Variants in DYNC1LI1 observed in about 807,000 individuals in gnomAD.
DYNC1LI1 encodes cytoplasmic dynein 1 light intermediate chain 1.
In DYNC1LI1, 19 loss-of-function variants were observed where a neutral mutation model predicts 63.8. The observed-to-expected ratio is 0.30, with a 90% CI of 0.21 to 0.44. The LOEUF is 0.44. DYNC1LI1 is among the 20% of genes least tolerant of loss of function. The probability of loss-of-function intolerance (pLI) is 1.00; values close to 1 mark genes in which losing one functional copy is unlikely to be tolerated. For synonymous variants in DYNC1LI1, 225 were observed against 232.3 expected (o/e 0.97, Z 0.28); for missense variants, 565 against 630.2 (o/e 0.90, Z 1.11).
At chr3:32,537,951 T>A (rs56245388) in intron 5 of DYNC1LI1, among the ~76,000 whole-genome samples, 378 of 4,310 alleles carry the variant, frequency 0.088, 31 homozygotes, top group East Asian at 0.21. Context: ...TATATATAAT[T>A]TATATATATA....
At chr3:32,527,806 T>C (rs1479137181) in intron 12 of DYNC1LI1, among the ~76,000 whole-genome samples, 2 of 152,040 alleles carry the variant, frequency 1.3e-5, no homozygotes, top group Non-Finnish European at 1.5e-5. Context: ...AGCCATATAA[T>C]GAAATATTAT....
chr3:32,568,574 C>T (rs1208719612), intron 2 of DYNC1LI1, among the ~76,000 whole-genome samples: 7 of 151,942 alleles, frequency 4.6e-5, no homozygotes, highest in East Asian at 3.9e-4. Context: ...CCTCTAAGAA[C>T]ACTCAGTCCC....
rs1697619258 is a variant in DYNC1LI1 at position 32,526,476 on chromosome 3, CAT to C, written c.*321_*322del. 5.9e-6 allele frequency: 1 copy of C among 168,254 alleles called. No homozygotes were observed. The highest frequency in any genetic ancestry group is 1.3e-5 in the Non-Finnish European group (1 of 78,396). 10.4% of individuals were successfully genotyped at this position (168,254 alleles called of 1,614,324 possible). The stretch of plus-strand genomic sequence containing the variant: ...TTCTGCCGTTCCCCAAATCCTTTTA[CAT>C]GTTTTAAATAGCCTTTAGAATATGA... On this transcript the variant is annotated 3_prime_UTR_variant, in exon 13 of 13. Coordinates refer to ENST00000273130, the MANE Select transcript of DYNC1LI1 (RefSeq NM_016141.4).
intron 2 of DYNC1LI1, among the ~76,000 whole-genome samples, chr3:32,551,912 G>A (rs1454484803): frequency 6.6e-6 from 1 of 152,138 alleles, no homozygotes; most frequent in Admixed American, 6.5e-5. Context: ...CCCAGAGACT[G>A]CAAATCCAGG....
intron 2 of DYNC1LI1, among the ~76,000 whole-genome samples, chr3:32,553,651 G>A (rs888938871): frequency 2.6e-5 from 4 of 152,146 alleles, no homozygotes; most frequent in African/African-American, 9.7e-5. Flanking sequence ...CTCTACAGAA[G>A]CAGCAAGCAG....
intron 2 of DYNC1LI1, among the ~76,000 whole-genome samples, chr3:32,561,803 GGTATATCTATATATACTATTCA>G (rs1328438613): frequency 6.6e-6 from 1 of 150,792 alleles, no homozygotes; most frequent in African/African-American, 2.4e-5. Context: ...TTATAATTAT[GGTATATCTATATATACTATTCA>G]GTCAATAAAC....
intron 6 of DYNC1LI1, among the ~76,000 whole-genome samples, chr3:32,536,551 T>C (rs961246419): frequency 6.6e-5 from 10 of 152,274 alleles, no homozygotes; most frequent in Admixed American, 2.0e-4. Flanking sequence ...CACTTTGGAA[T>C]ACTCCAATCC....
chr3:32,534,475 T>A (rs1445667336), intron 7 of DYNC1LI1, 36 bp downstream of exon 7: 1 of 1,440,464 alleles, frequency 6.9e-7, no homozygotes, highest in Non-Finnish European at 9.5e-7. Flanking sequence ...GTAGCAATAA[T>A]ACATGATAAA....
chr3:32,556,564 G>A (rs1357534209), intron 2 of DYNC1LI1, among the ~76,000 whole-genome samples: 11 of 151,772 alleles, frequency 7.2e-5, no homozygotes, highest in Non-Finnish European at 1.5e-4. Flanking sequence ...GTTTTGTTTT[G>A]AGACAGGGTC....
intron 12 of DYNC1LI1, among the ~76,000 whole-genome samples, chr3:32,528,037 C>G (rs1575146542): frequency 7.4e-6 from 1 of 134,558 alleles, no homozygotes; most frequent in East Asian, 2.4e-4. Context: ...AGGAGACTCA[C>G]TTGAACCCTG....
Position 32,570,321 on chromosome 3 carries a change from G to A in DYNC1LI1, c.220+25C>T, listed in dbSNP as rs373661383. 4 of 1,537,440 alleles carry A rather than the reference G, an allele frequency of 2.6e-6. No homozygotes were observed. The African/African-American group carries it at 4.1e-5, about 16-fold the overall frequency. On this transcript the variant is annotated intron_variant, in intron 2 of 12. Transcript: ENST00000273130. ...CCCGGGCCGCTGGGGGCCGGGCGGG[G>A]CGGGGCGAGGCAGGGAACACTTACC...
chr3:32,530,618 G>T lies in DYNC1LI1; in HGVS notation c.1081-98C>A, dbSNP rs112341904. ...TTGGACTAATTAAAAAACAGTTCAAGAATTTGAACATTACCTATACTATAT... is the reference window on the plus strand; with the variant it reads ...TTGGACTAATTAAAAAACAGTTCAATAATTTGAACATTACCTATACTATAT... On this transcript the variant is annotated intron_variant, in intron 8 of 12. Coordinates refer to ENST00000273130, the MANE Select transcript of DYNC1LI1 (RefSeq NM_016141.4). 167 of 1,075,914 alleles carry T rather than the reference G, an allele frequency of 1.6e-4. No homozygotes were observed. The African/African-American group carries it at 2.3e-3, about 15-fold the overall frequency. 66.6% of individuals were successfully genotyped at this position (1,075,914 alleles called of 1,614,324 possible). A position where few individuals can be genotyped will look rare whatever the true frequency, so the allele number is the denominator to read the frequency against.
Position 32,570,833 on chromosome 3 carries a change from G to C in DYNC1LI1, c.-63C>G. The C allele has an allele frequency of 1.9e-6, 3 of 1,545,122 alleles. No individual in the cohort carries two copies. Among genetic ancestry groups the C allele is most frequent in the South Asian group, 2.4e-5 (2 of 83,590 alleles). ...TGTGCGAGGCGGCTGAGGCGGTGGC[G>C]GTGGAGGCGGCGGGAACCCGGATAT... On this transcript the variant is annotated 5_prime_UTR_variant, in exon 1 of 13. Transcript: ENST00000273130.
chr3:32,556,336 G>A (rs1483087413), intron 2 of DYNC1LI1, among the ~76,000 whole-genome samples: 1 of 152,132 alleles, frequency 6.6e-6, no homozygotes, highest in Non-Finnish European at 1.5e-5. Flanking sequence ...CATCTTAGAC[G>A]TGTGTTTCTT....
At position 32,560,777 on chromosome 3, in the gene DYNC1LI1, G is replaced by A. The variant is rs1044495166; in HGVS notation, c.220+9569C>T. ...CCAGCACTTTGGGAGGATGAGGCAGGCAGATCACCTAAGGTCGGGAGTTCA... is the reference window on the plus strand; with the variant it reads ...CCAGCACTTTGGGAGGATGAGGCAGACAGATCACCTAAGGTCGGGAGTTCA... On this transcript the variant is annotated intron_variant, in intron 2 of 12. Coordinates refer to ENST00000273130, the MANE Select transcript of DYNC1LI1 (RefSeq NM_016141.4). Among the ~76,000 whole-genome samples the A allele has an allele frequency of 4.6e-5, 7 of 151,982 alleles. No homozygotes were observed. The South Asian group carries it at 1.5e-3, about 32-fold the overall frequency.
chr3:32,532,850 C>T (rs1697720326), intron 8 of DYNC1LI1, 136 bp downstream of exon 8: 1 of 1,348,814 alleles, frequency 7.4e-7, no homozygotes, highest in South Asian at 1.9e-5. Context: ...ACATTAGAAA[C>T]ACACCAAAAT....
At chr3:32,541,310 T>C in intron 4 of DYNC1LI1, 104 bp from the exon 5 acceptor site, 1 of 729,048 alleles carries the variant, frequency 1.4e-6, no homozygotes, top group Non-Finnish European at 2.2e-6. Flanking sequence ...TACTTAGTCT[T>C]GTGTAAGAGA....
intron 1 of DYNC1LI1, 68 bp from the exon 2 acceptor site, chr3:32,570,487 C>A: frequency 6.7e-7 from 1 of 1,490,196 alleles, no homozygotes; most frequent in Admixed American, 2.2e-5. Context: ...ACGGACCCGG[C>A]CTCGGCGCGC....
rs758317039 is a variant in DYNC1LI1, at chr3:32,570,741, G to A, written c.30C>T (p.Phe10=). Residue 10 remains phenylalanine (F), a synonymous_variant, in exon 1 of 13, where the codon TTC becomes TTT. Transcript: ENST00000273130. MAAVGRVGS[F]GSSPPGLSST... is the part of the protein sequence containing the mutation. ...AGGATAATCCCGGCGGAGAAGAACC[G>A]AAGGAGCCGACTCGCCCCACGGCCG... 1.4e-5 allele frequency: 22 copies of A among 1,607,066 alleles called. No homozygotes were observed. The highest frequency in any genetic ancestry group is 6.6e-5 in the South Asian group (6 of 90,498).
Sources: allele counts gnomAD v4.1 joint callset (sites outside exome capture counted in the v4.1 genomes callset), GRCh38; gene constraint gnomAD v4.1.1; transcripts MANE v1.5; gene names NCBI Gene and HGNC (gene_info 2026-07-23, HGNC 2026-07-21).